Variants in RFWD3 observed in about 807,000 individuals in gnomAD.
RFWD3 encodes the protein E3 ubiquitin-protein ligase RFWD3.
Under a neutral mutation model 87.7 loss-of-function variants are expected in RFWD3, and 65 were observed. The observed-to-expected ratio is 0.74, with a 90% confidence interval of 0.61 to 0.91. The LOEUF (loss-of-function observed/expected upper bound fraction) is 0.91. Ranked by LOEUF, RFWD3 falls within the 40% of genes least tolerant of loss-of-function variation. RFWD3 has a pLI of 0.00. For missense variants in RFWD3, 1,078 were observed against 938.5 expected, an observed-to-expected ratio of 1.15 and a Z score of -1.94; for synonymous variants, 433 against 352.8, an observed-to-expected ratio of 1.23 and a Z score of -2.55.
In RFWD3 at chr16:74,644,624, G is replaced by T; in HGVS notation, c.904C>A (p.Leu302Ile). The T allele has an allele frequency of 1.2e-6, 2 of 1,614,210 alleles. No homozygotes were observed. Among genetic ancestry groups the T allele is most frequent in the Non-Finnish European group, 1.7e-6 (2 of 1,180,036 alleles). The change falls in exon 5 of 13, where the codon CTC becomes ATC. Residue 302 changes from leucine to isoleucine, a missense_variant. Physicochemically the swap from Leu to Ile is conservative, Grantham distance 5. Transcript: ENST00000361070. ...AGATGCCCACAGCGTAATGCTGAGA[G>T]CCGGTGGTCCCCAGCATTGGTCCAC... ...EQWTNAGDHRLSALRCGHLFG... is the reference protein window; with the variant it reads ...EQWTNAGDHRISALRCGHLFG...
intron 8 of RFWD3, among the ~76,000 whole-genome samples, chr16:74,635,376 AG>A (rs1959186725): frequency 1.3e-5 from 2 of 152,152 alleles, no homozygotes; most frequent in African/African-American, 2.4e-5. Flanking sequence ...CTGAGGCAGG[AG>A]AATCTCTTGA....
Position 74,626,486 on chromosome 16 carries a change from G to C in RFWD3, c.2038C>G (p.Pro680Ala). Residue 680 changes from proline (P) to alanine (A), a missense_variant, in exon 12 of 13, where the codon CCA becomes GCA. Coordinates refer to ENST00000361070, the MANE Select transcript of RFWD3 (RefSeq NM_018124.4). ...MSYRLDDTGN[P>A]ICSCQPVHTF... is the part of the protein sequence containing the mutation. ...TGTACAGGCTGGCAGGAGCAGATTG[G>C]ATTTCCAGTGTCATCCAGTCGGTAG... 1 of 1,614,146 alleles carries C rather than the reference G, an allele frequency of 6.2e-7. No homozygotes were observed. Among genetic ancestry groups the C allele is most frequent in the Non-Finnish European group, 8.5e-7 (1 of 1,180,016 alleles).
intron 12 of RFWD3, among the ~76,000 whole-genome samples, chr16:74,624,944 G>A (rs963105175): frequency 1.3e-5 from 2 of 152,086 alleles, no homozygotes; most frequent in Non-Finnish European, 2.9e-5. Flanking sequence ...AACCATGATT[G>A]CACTACTGCA....
Position 74,632,456 on chromosome 16 carries a change from C to T in RFWD3, c.1577+67G>A, listed in dbSNP as rs144389371. ...AACAGAGCTAAGGTCATCATAACAC[C>T]GATACGAATTCCATGCTACTCAACA... On this transcript the variant is annotated intron_variant, in intron 9 of 12. Coordinates refer to ENST00000361070, the MANE Select transcript of RFWD3 (RefSeq NM_018124.4). 4,292 of 1,528,194 alleles carry T rather than the reference C, an allele frequency of 2.8e-3. 9 individuals carry two copies. Among genetic ancestry groups the T allele is most frequent in the Middle Eastern group, 6.2e-3 (35 of 5,614 alleles). The allele number at this position is 1,528,194 out of a possible 1,614,324, so 94.7% of individuals were successfully genotyped here.
At chr16:74,631,918 T>C (rs1000039792) in intron 9 of RFWD3, among the ~76,000 whole-genome samples, 2 of 152,114 alleles carry the variant, frequency 1.3e-5, no homozygotes, top group African/African-American at 2.4e-5. Flanking sequence ...CCACGCCTGG[T>C]CTCCACCAAC....
intron 7 of RFWD3, 107 bp from the exon 8 acceptor site, chr16:74,636,684 G>T: frequency 1.2e-6 from 1 of 837,676 alleles, no homozygotes; most frequent in Non-Finnish European, 1.8e-6. Context: ...TTATATGAAA[G>T]TGTTAACATG....
intron 4 of RFWD3, among the ~76,000 whole-genome samples, chr16:74,646,459 C>A (rs752748829): frequency 1.3e-5 from 2 of 152,140 alleles, no homozygotes; most frequent in African/African-American, 2.4e-5. Flanking sequence ...CAGGCGTGTG[C>A]CACCATACAC....
chr16:74,635,493 T>C (rs1457354328), intron 8 of RFWD3, among the ~76,000 whole-genome samples: 1 of 147,960 alleles, frequency 6.8e-6, no homozygotes. Context: ...ATCAACAAGG[T>C]AACAGAAATA....
chr16:74,657,906 C>T (rs1961123697), intron 2 of RFWD3, among the ~76,000 whole-genome samples: 1 of 152,158 alleles, frequency 6.6e-6, no homozygotes, highest in African/African-American at 2.4e-5. Flanking sequence ...TAATCAAATA[C>T]ATACTAGAGT....
intron 3 of RFWD3, among the ~76,000 whole-genome samples, chr16:74,650,603 A>G (rs1347027011): frequency 2.0e-5 from 3 of 152,150 alleles, no homozygotes; most frequent in South Asian, 2.1e-4. Context: ...GCCTAGATAT[A>G]TAATTTAATT....
chr16:74,646,783 C>T (rs1960179478), intron 4 of RFWD3, among the ~76,000 whole-genome samples: 1 of 151,510 alleles, frequency 6.6e-6, no homozygotes, highest in African/African-American at 2.4e-5. Flanking sequence ...TTAATAAGAA[C>T]AAGATGAGAC....
Position 74,626,391 on chromosome 16 carries a change from A to G in RFWD3, c.2133T>C (p.Asp711=), listed in dbSNP as rs1567564684. 6.2e-7 allele frequency: 1 copy of G among 1,614,240 alleles called. No homozygotes were observed. The highest frequency in any genetic ancestry group is 1.1e-5 in the South Asian group (1 of 91,086). Residue 711 remains aspartate (D), a synonymous_variant, in exon 12 of 13, where the codon GAT becomes GAC. Coordinates refer to ENST00000361070, the MANE Select transcript of RFWD3 (RefSeq NM_018124.4). ...KNAIFQSPEN[D]GNILVCTGDE... ...CCCCAGTACACACCAGGATGTTGCCATCATTCTCTGGGCTTTGGAAAATGG... is the reference window on the plus strand; with the variant it reads ...CCCCAGTACACACCAGGATGTTGCCGTCATTCTCTGGGCTTTGGAAAATGG...
intron 6 of RFWD3, among the ~76,000 whole-genome samples, chr16:74,641,302 A>G (rs1959622831): frequency 1.3e-5 from 2 of 152,020 alleles, no homozygotes; most frequent in South Asian, 4.2e-4. Flanking sequence ...AGCTGGGACT[A>G]CAGGTGCGTG....
chr16:74,646,922 CAACAACAACAACAAA>C (rs1462455011), intron 4 of RFWD3, among the ~76,000 whole-genome samples: 16 of 151,410 alleles, frequency 1.1e-4, no homozygotes, highest in African/African-American at 3.9e-4. Context: ...ACAACAACAA[CAACAACAACAACAAA>C]ATTAGCCAGG....
intron 8 of RFWD3, among the ~76,000 whole-genome samples, chr16:74,633,687 C>T (rs1016227051): frequency 2.0e-5 from 3 of 151,988 alleles, no homozygotes; most frequent in African/African-American, 4.8e-5. Flanking sequence ...TGGTAGCTCG[C>T]GCCTGTAATC....
intron 1 of RFWD3, among the ~76,000 whole-genome samples, chr16:74,665,681 GC>G (rs1199597484): frequency 1.3e-5 from 2 of 152,222 alleles, no homozygotes; most frequent in Non-Finnish European, 2.9e-5. Flanking sequence ...GATCCCTGGG[GC>G]CCGGGAGTTC....
chr16:74,653,827 G>C (rs1597450199), intron 2 of RFWD3, among the ~76,000 whole-genome samples: 1 of 152,218 alleles, frequency 6.6e-6, no homozygotes, highest in East Asian at 1.9e-4. Context: ...TGATGAATTA[G>C]GGCTTTGACT....
intron 9 of RFWD3, 78 bp downstream of exon 9, chr16:74,632,445 C>A: frequency 6.8e-7 from 1 of 1,473,016 alleles, no homozygotes; most frequent in Non-Finnish European, 9.4e-7. Flanking sequence ...GAGCTAAGGT[C>A]ATCATAACAC....
In RFWD3 at chr16:74,651,972, C is replaced by A. The variant is rs201855350; in HGVS notation, c.669G>T (p.Glu223Asp). ...SSDSDSDSSAEYGGVVDQAEE... is the reference protein window; with the variant it reads ...SSDSDSDSSADYGGVVDQAEE... ...CTGCCTGGTCAACAACCCCTCCATA[C>A]TCTGCAGAGCTGTCACTGTCAGAAT... The change falls in exon 3 of 13, where the codon GAG becomes GAT. Residue 223 changes from glutamate (E) to aspartate (D), a missense_variant. Coordinates refer to ENST00000361070, the MANE Select transcript of RFWD3 (RefSeq NM_018124.4). 6.2e-7 allele frequency: 1 copy of A among 1,613,948 alleles called. No individual in the cohort carries two copies. Among genetic ancestry groups the A allele is most frequent in the African/African-American group, 1.3e-5 (1 of 74,920 alleles).
Sources: gnomAD v4.1 joint callset for allele counts (sites outside exome capture counted in the v4.1 genomes callset) on GRCh38, gnomAD v4.1.1 for gene constraint, MANE v1.5 for transcripts, NCBI Gene and HGNC (gene_info 2026-07-23, HGNC 2026-07-21) for gene names.